PTPRD: variants seen among roughly 807,000 people sequenced by gnomAD.
PTPRD encodes protein tyrosine phosphatase receptor type D.
In PTPRD, 34 loss-of-function variants were observed where a neutral mutation model predicts 214.5. The observed-to-expected ratio is 0.16, with a 90% confidence interval of 0.12 to 0.21. PTPRD has a LOEUF of 0.21. Among genes scored for constraint, PTPRD ranks in the 10% least tolerant of loss-of-function variants. The pLI is 1.00. For missense variants in PTPRD, 2,545 were observed against 2,398.7 expected, an observed-to-expected ratio of 1.06 and a Z score of -1.27; for synonymous variants, 1,128 against 845.7, an observed-to-expected ratio of 1.33 and a Z score of -5.79.
intron 10 of PTPRD, among the ~76,000 whole-genome samples, chr9:9,064,169 G>C (rs143122738): frequency 6.6e-6 from 1 of 152,050 alleles, no homozygotes; most frequent in Non-Finnish European, 1.5e-5. Flanking sequence ...CATAAGAAAT[G>C]TATTTTACAT....
At chr9:10,435,196 CAAG>C (rs761914864) in intron 2 of PTPRD, among the ~76,000 whole-genome samples, 49 of 151,822 alleles carry the variant, frequency 3.2e-4, no homozygotes, top group Non-Finnish European at 8.8e-5. Flanking sequence ...GGAAACTGAA[CAAG>C]AAGAACACTT....
intron 23 of PTPRD, among the ~76,000 whole-genome samples, chr9:8,502,578 T>C (rs913329277): frequency 1.3e-5 from 2 of 152,148 alleles, no homozygotes; most frequent in Admixed American, 6.5e-5. Flanking sequence ...TTTTTATTGA[T>C]TCTGACTAGG....
At chr9:8,664,104 C>T (rs2097124564) in intron 12 of PTPRD, among the ~76,000 whole-genome samples, 3 of 152,144 alleles carry the variant, frequency 2.0e-5, no homozygotes, top group African/African-American at 7.2e-5. Context: ...CTGAACACTA[C>T]AACACAGTGC....
Position 9,589,262 on chromosome 9 carries a change from T to A in PTPRD, c.-286-14481A>T, listed in dbSNP as rs1173913654. 4.6e-5 allele frequency among the ~76,000 whole-genome samples: 7 copies of A among 151,860 alleles called. No homozygotes were observed. In the East Asian group the frequency reaches 1.4e-3, roughly 29 times the overall value. On this transcript the variant is annotated intron_variant, in intron 7 of 45. Transcript: ENST00000381196. ...CATACAGCAGACAAAATCAGTAAAA[T>A]CCTCTTAAGGATTTTATACATTTCC... is the stretch of plus-strand genomic sequence containing the variant.
chr9:10,084,398 A>G (rs1339565150), intron 3 of PTPRD, among the ~76,000 whole-genome samples: 2 of 152,000 alleles, frequency 1.3e-5, no homozygotes, highest in Non-Finnish European at 2.9e-5. Flanking sequence ...GAACTGAAGA[A>G]AATATAGGAA....
chr9:9,576,130 G>C (rs534967069), intron 7 of PTPRD, among the ~76,000 whole-genome samples: 2 of 152,082 alleles, frequency 1.3e-5, no homozygotes, highest in Non-Finnish European at 2.9e-5. Context: ...TTGGGAGACT[G>C]TGTTTTTCTC....
rs547158808 is a variant in PTPRD, at chr9:9,483,343, G to C, written c.-236-85861C>G. Among the ~76,000 whole-genome samples the C allele has an allele frequency of 4.6e-5, 7 of 152,218 alleles. No individual in the cohort carries two copies. In the South Asian group the frequency reaches 1.5e-3, roughly 32 times the overall value. ...TTATGACATTACAGAATACAATTTA[G>C]AGTCATTTAGGATGCGTGAAGATTG... On this transcript the variant is annotated intron_variant, in intron 8 of 45. Transcript: ENST00000381196.
At chr9:9,702,299 T>C (rs747911672) in intron 7 of PTPRD, among the ~76,000 whole-genome samples, 10 of 152,110 alleles carry the variant, frequency 6.6e-5, no homozygotes, top group Non-Finnish European at 1.3e-4. Context: ...TGTTTACAAT[T>C]AGAGAATTGG....
chr9:8,689,230 T>C (rs556629818), intron 12 of PTPRD, among the ~76,000 whole-genome samples: 2 of 152,222 alleles, frequency 1.3e-5, no homozygotes, highest in East Asian at 3.9e-4. Flanking sequence ...AAATAAAAAA[T>C]AAACTGTGTG....
chr9:9,176,311 T>C (rs543277564), intron 10 of PTPRD, among the ~76,000 whole-genome samples: 76 of 152,306 alleles, frequency 5.0e-4, no homozygotes, highest in Non-Finnish European at 9.6e-4. Flanking sequence ...ACATAATCAT[T>C]GATGATTTGA....
chr9:10,208,090 C>T (rs1285021583), intron 3 of PTPRD, among the ~76,000 whole-genome samples: 1 of 152,094 alleles, frequency 6.6e-6, no homozygotes. Flanking sequence ...TTTCTGGTTC[C>T]CAGGAGTAAC....
rs139320253 is a variant in PTPRD, at chr9:8,492,369, G to A, written c.2467+493C>T. Among the ~76,000 whole-genome samples the A allele has an allele frequency of 2.0e-3, 300 of 152,154 alleles. 3 individuals carry two copies. Among genetic ancestry groups the A allele is most frequent in the Admixed American group, 0.017 (265 of 15,278 alleles). On this transcript the variant is annotated intron_variant, in intron 27 of 45. Coordinates refer to ENST00000381196, the MANE Select transcript of PTPRD (RefSeq NM_002839.4). ...TGATCCTTCACGTCATTTGAGTCTC[G>A]ACTTAAATAATCCTTCCTCTACCAG... is the stretch of plus-strand genomic sequence containing the variant.
At chr9:8,341,506 G>A (rs557297735) in intron 40 of PTPRD, among the ~76,000 whole-genome samples, 187 bp downstream of exon 40, 1 of 152,150 alleles carries the variant, frequency 6.6e-6, no homozygotes, top group East Asian at 1.9e-4. Context: ...AAGGGCTCAA[G>A]ATATTGTTAG....
intron 9 of PTPRD, among the ~76,000 whole-genome samples, chr9:9,370,804 G>C (rs1404575753): frequency 2.6e-5 from 4 of 152,052 alleles, no homozygotes; most frequent in African/African-American, 9.7e-5. Context: ...CTAATTTATT[G>C]AGAGTTTTTA....
At chr9:9,735,571 C>T (rs1596329250) in intron 6 of PTPRD, among the ~76,000 whole-genome samples, 1 of 152,046 alleles carries the variant, frequency 6.6e-6, no homozygotes, top group Admixed American at 6.6e-5. Flanking sequence ...GAATAATCTC[C>T]ATAATGCTGG....
chr9:9,732,664 C>T (rs2098219122), intron 7 of PTPRD, among the ~76,000 whole-genome samples: 1 of 152,128 alleles, frequency 6.6e-6, no homozygotes, highest in Admixed American at 6.5e-5. Flanking sequence ...TAAAATACCC[C>T]AGTTCCTCAA....
chr9:8,510,289 C>T (rs2097651087), intron 21 of PTPRD, among the ~76,000 whole-genome samples: 1 of 151,926 alleles, frequency 6.6e-6, no homozygotes, highest in Admixed American at 6.6e-5. Flanking sequence ...GAGACCCTGT[C>T]TCTAAAAATA....
At chr9:10,152,345 G>C (rs2099066528) in intron 3 of PTPRD, among the ~76,000 whole-genome samples, 1 of 151,962 alleles carries the variant, frequency 6.6e-6, no homozygotes, top group African/African-American at 2.4e-5. Flanking sequence ...AAAATATTTT[G>C]CTCATTTTTA....
chr9:10,230,885 A>G (rs991328128), intron 3 of PTPRD, among the ~76,000 whole-genome samples: 2 of 151,852 alleles, frequency 1.3e-5, no homozygotes, highest in East Asian at 3.9e-4. Context: ...TCTAGCGTTT[A>G]AAGTTTGTTT....
Sources: gnomAD v4.1 joint callset for allele counts (sites outside exome capture counted in the v4.1 genomes callset) on GRCh38, gnomAD v4.1.1 for gene constraint, MANE v1.5 for transcripts, NCBI Gene and HGNC (gene_info 2026-07-23, HGNC 2026-07-21) for gene names.